The following DLG5 variants were observed in gnomAD, a reference collection of about 807,000 sequenced individuals.
DLG5 encodes disks large homolog 5.
In DLG5, 48 loss-of-function variants were observed where a neutral mutation model predicts 189.8. The ratio of observed to expected loss-of-function variants is 0.25; its 90% CI spans 0.20 to 0.32. The LOEUF is 0.32. Ranked by LOEUF, DLG5 falls within the 10% of genes least tolerant of loss-of-function variation. DLG5 has a pLI of 1.00. For synonymous variants in DLG5, 1,016 were observed against 1,054.1 expected (o/e 0.96, Z 0.70); for missense variants, 2,160 against 2,544.7 (o/e 0.85, Z 3.25).
intron 15 of DLG5, chr10:77,820,872 C>T (rs184299718): frequency 1.7e-6 from 1 of 587,288 alleles, no homozygotes; most frequent in Non-Finnish European, 2.9e-6. Flanking sequence ...AAGTGTTCCC[C>T]TCTTGTGTCA....
rs1479451632 is a variant in DLG5 at position 77,791,823 on chromosome 10, G to A, written c.*617C>T. The A allele has an allele frequency of 6.5e-6, 1 of 153,206 alleles. No homozygotes were observed. Among genetic ancestry groups the A allele is most frequent in the Non-Finnish European group, 1.5e-5 (1 of 68,436 alleles). 9.5% of individuals were successfully genotyped at this position (153,206 alleles called of 1,614,324 possible). ...AAAGTCACCTTCCCCATTGTGGGAGGAAAATGCCAAAGGCACTGGTTCTGC... is the reference window on the plus strand; with the variant it reads ...AAAGTCACCTTCCCCATTGTGGGAGAAAAATGCCAAAGGCACTGGTTCTGC... On this transcript the variant is annotated 3_prime_UTR_variant, in exon 32 of 32. Transcript: ENST00000372391.
chr10:77,852,023 C>T (rs1030267131), intron 5 of DLG5, among the ~76,000 whole-genome samples: 1 of 152,106 alleles, frequency 6.6e-6, no homozygotes, highest in African/African-American at 2.4e-5. Context: ...TGGGGGACTG[C>T]AGAGGGCATG....
rs764744975 is a variant in DLG5 at position 77,796,206 on chromosome 10, A to G, written c.5309-18T>C. 1.9e-6 allele frequency: 3 copies of G among 1,613,844 alleles called. No homozygotes were observed. The highest frequency in any genetic ancestry group is 2.5e-6 in the Non-Finnish European group (3 of 1,180,026). ...CATCACCTCTGCAATGCACAGACAC[A>G]GGAATCAGGGAGCCCCAGGCCCTGC... On this transcript the variant is annotated intron_variant, in intron 28 of 31. Transcript: ENST00000372391. The surrounding 1 kb of genome is among the most constrained non-coding windows in gnomAD (Gnocchi z 5.2).
chr10:77,819,184 G>T, intron 17 of DLG5, 137 bp downstream of exon 17: 1 of 1,279,704 alleles, frequency 7.8e-7, no homozygotes, highest in Non-Finnish European at 1.1e-6. Context: ...CCCTTTCCCT[G>T]TGCTGCTCTA....
chr10:77,819,421 T>C lies in DLG5; in HGVS notation c.3571A>G (p.Ile1191Val). Residue 1191 changes from isoleucine to valine, a missense_variant, in exon 17 of 32, where the codon ATC (isoleucine) becomes GTC (valine). By Grantham distance (29) the Ile-to-Val change is conservative. Around this residue, in one of 5 missense-constraint regions of DLG5, gnomAD observed 754 missense variants for 746.5 expected, o/e 1.01. Coordinates refer to ENST00000372391, the MANE Select transcript of DLG5 (RefSeq NM_004747.4). ...ACAGTGTAGATGGGGTTCCGCAGGA[T>C]GGAGCTCACAGTGGTGCTGGGGGTC... ...SLTPSTTVSS[I>V]LRNPIYTVRS... The C allele has an allele frequency of 1.2e-6, 2 of 1,613,946 alleles. No individual in the cohort carries two copies. Among genetic ancestry groups the C allele is most frequent in the Non-Finnish European group, 8.5e-7 (1 of 1,180,024 alleles).
chr10:77,875,147 T>C (rs928296702), intron 1 of DLG5, among the ~76,000 whole-genome samples: 1 of 152,166 alleles, frequency 6.6e-6, no homozygotes, highest in Non-Finnish European at 1.5e-5. Context: ...ACAAACAGGA[T>C]ACAAACCCAG....
Position 77,816,664 on chromosome 10 carries a change from C to T in DLG5, c.3912G>A (p.Gln1304=). The T allele has an allele frequency of 6.2e-7, 1 of 1,613,674 alleles. No homozygotes were observed. Among genetic ancestry groups the T allele is most frequent in the South Asian group, 1.1e-5 (1 of 90,972 alleles). ...VSHSECSTPP[Q]SPLNIDTLSS... is the part of the protein sequence containing the mutation. ...ACAGGGTGTCGATGTTCAGGGGTGA[C>T]TGTGGAGGAGTGCTGCATTCAGAAT... Residue 1304 remains glutamine, a synonymous_variant, in exon 20 of 32, where the codon CAG becomes CAA. Transcript: ENST00000372391.
chr10:77,854,784 G>A (rs922832373), intron 3 of DLG5, among the ~76,000 whole-genome samples: 3 of 152,018 alleles, frequency 2.0e-5, no homozygotes, highest in Non-Finnish European at 4.4e-5. Flanking sequence ...CCAGGGGTTT[G>A]AGACCAGCCT....
At chr10:77,895,262 T>C (rs1845726057) in intron 1 of DLG5, among the ~76,000 whole-genome samples, 1 of 152,060 alleles carries the variant, frequency 6.6e-6, no homozygotes, top group African/African-American at 2.4e-5. Flanking sequence ...TCACGCCCCT[T>C]CTCCTTCCTC....
the DLG5 span, among the ~76,000 whole-genome samples, chr10:77,934,915 T>C: frequency 1.3e-5 from 2 of 149,820 alleles, no homozygotes; most frequent in African/African-American, 5.0e-5. Flanking sequence ...TGGAGTGCAG[T>C]GGCACGATCT....
chr10:77,873,846 A>G (rs867695301), intron 1 of DLG5, among the ~76,000 whole-genome samples: 2 of 152,102 alleles, frequency 1.3e-5, no homozygotes, highest in Non-Finnish European at 2.9e-5. Flanking sequence ...CCCTACCTCA[A>G]TCCCCAGGGA....
At chr10:77,894,829 A>C (rs1238009962) in intron 1 of DLG5, among the ~76,000 whole-genome samples, 3 of 152,070 alleles carry the variant, frequency 2.0e-5, no homozygotes, top group South Asian at 2.1e-4. Flanking sequence ...CTGGGGAACA[A>C]GGCCTTTCCT....
chr10:77,819,839 T>A, intron 16 of DLG5, 56 bp downstream of exon 16: 1 of 1,505,178 alleles, frequency 6.6e-7, no homozygotes. Flanking sequence ...CCCTGGAGAC[T>A]AGGCATCCCG....
At chr10:77,866,665 A>G (rs1844695820) in intron 2 of DLG5, among the ~76,000 whole-genome samples, 1 of 151,786 alleles carries the variant, frequency 6.6e-6, no homozygotes, top group South Asian at 2.1e-4. Flanking sequence ...AGACCTGGAC[A>G]CTGTCAGGTC....
chr10:77,871,535 A>ATTTT (rs1844897937), intron 1 of DLG5, among the ~76,000 whole-genome samples: 1 of 75,966 alleles, frequency 1.3e-5, no homozygotes. Context: ...TAAGCATCAC[A>ATTTT]CTTTTTTTTT....
At chr10:77,843,320 T>C (rs1843517777) in intron 6 of DLG5, 127 bp downstream of exon 6, 1 of 1,201,390 alleles carries the variant, frequency 8.3e-7, no homozygotes, top group Admixed American at 2.3e-5. Context: ...CAAAAAAAAA[T>C]GTTTCCTGGT....
intron 13 of DLG5, among the ~76,000 whole-genome samples, chr10:77,827,440 G>C (rs1006266552): frequency 6.6e-6 from 1 of 152,118 alleles, no homozygotes; most frequent in African/African-American, 2.4e-5. Flanking sequence ...TCCCCAGGCT[G>C]GTCTCGAACT....
intron 17 of DLG5, among the ~76,000 whole-genome samples, chr10:77,818,136 T>C (rs1842156796): frequency 6.6e-6 from 1 of 151,826 alleles, no homozygotes; most frequent in Non-Finnish European, 1.5e-5. Flanking sequence ...ACTCCAGCCA[T>C]AGGGTCAGGA....
intron 31 of DLG5, 189 bp from the exon 32 acceptor site, chr10:77,792,732 T>C: frequency 1.6e-6 from 1 of 611,672 alleles, no homozygotes; most frequent in East Asian, 2.8e-5. Context: ...CCTCTTGAGT[T>C]GATCACTCAT....
Sources: gnomAD v4.1 joint callset for allele counts (sites outside exome capture counted in the v4.1 genomes callset) on GRCh38, gnomAD v4.1.1 for gene constraint, gnomAD v4.1.1 regional missense constraint, Gnocchi (gnomAD v3.1) non-coding constraint, MANE v1.5 for transcripts, NCBI Gene and HGNC (gene_info 2026-07-23, HGNC 2026-07-21) for gene names.